The following LPP variants were observed in gnomAD, a reference collection of about 807,000 sequenced individuals.
LPP encodes the protein LIM domain containing preferred translocation partner in lipoma.
Under a neutral mutation model 60.4 loss-of-function variants are expected in LPP, and 38 were observed. The ratio of observed to expected loss-of-function variants is 0.63; its 90% CI spans 0.49 to 0.83. The LOEUF (loss-of-function observed/expected upper bound fraction) is 0.83. Ranked by LOEUF, LPP falls within the 40% of genes least tolerant of loss-of-function variation. The pLI is 0.00. For missense variants in LPP, 902 were observed against 783.6 expected (o/e 1.15, Z -1.80); for synonymous variants, 328 against 290.8 (o/e 1.13, Z -1.30).
At chr3:188,562,069 ACACAGACACAC>A (rs898032640) in intron 6 of LPP, among the ~76,000 whole-genome samples, 1 of 151,702 alleles carries the variant, frequency 6.6e-6, no homozygotes. Flanking sequence ...ACACAGACAC[ACACAGACACAC>A]ACACACATAC....
intron 2 of LPP, among the ~76,000 whole-genome samples, chr3:188,302,262 G>A (rs908843714): frequency 1.3e-5 from 2 of 152,102 alleles, no homozygotes; most frequent in African/African-American, 2.4e-5. Flanking sequence ...TAAATGATTT[G>A]CCTAAGTTTA....
rs527320374 is a variant in LPP, at chr3:188,658,867, G to A, written c.1113+49023G>A. ...CTGCTGTTTTAGGTTGATTATATTT[G>A]CCTTTGAGCCAAAAGAGTTACTTGA... On this transcript the variant is annotated intron_variant, in intron 7 of 11. Transcript: ENST00000617246. 2.0e-4 allele frequency among the ~76,000 whole-genome samples: 30 copies of A among 152,280 alleles called. No individual in the cohort carries two copies. The East Asian group carries it at 4.6e-3, about 24-fold the overall frequency.
chr3:188,228,592 T>A (rs1718683187), intron 2 of LPP, among the ~76,000 whole-genome samples: 1 of 152,174 alleles, frequency 6.6e-6, no homozygotes, highest in African/African-American at 2.4e-5. Context: ...GAGACCAGCC[T>A]GGGCAATGTG....
At chr3:188,627,150 A>G (rs1213187570) in intron 7 of LPP, among the ~76,000 whole-genome samples, 2 of 152,166 alleles carry the variant, frequency 1.3e-5, no homozygotes, top group Non-Finnish European at 2.9e-5. Flanking sequence ...TCCTTAAGGG[A>G]ATGATAAGCA....
chr3:188,554,679 C>T (rs545228563), intron 6 of LPP, among the ~76,000 whole-genome samples: 40 of 152,252 alleles, frequency 2.6e-4, no homozygotes, highest in Admixed American at 7.8e-4. Flanking sequence ...TACTTTGATT[C>T]CAAATCAACA....
intron 5 of LPP, among the ~76,000 whole-genome samples, chr3:188,514,752 T>C (rs897937469): frequency 6.6e-6 from 1 of 152,238 alleles, no homozygotes; most frequent in African/African-American, 2.4e-5. Flanking sequence ...GCAGTTTTGT[T>C]ACATGTTTTT....
intron 6 of LPP, among the ~76,000 whole-genome samples, chr3:188,600,472 A>G (rs1188621650): frequency 1.3e-5 from 2 of 151,642 alleles, no homozygotes; most frequent in Non-Finnish European, 2.9e-5. Flanking sequence ...ATCAACAGGT[A>G]TAAAACAATA....
intron 1 of LPP, among the ~76,000 whole-genome samples, chr3:188,161,911 T>C (rs966616580): frequency 3.9e-5 from 6 of 152,228 alleles, no homozygotes; most frequent in South Asian, 2.1e-4. Context: ...ATGGCTGCCA[T>C]TGATGCTTGT....
At chr3:188,780,338 G>C (rs114363532) in intron 9 of LPP, among the ~76,000 whole-genome samples, 1 of 152,176 alleles carries the variant, frequency 6.6e-6, no homozygotes, top group Admixed American at 6.5e-5. Context: ...AAATGATTCT[G>C]TAATGATGTC....
chr3:188,785,410 TATATATTCCATC>T lies in LPP; in HGVS notation c.1410+25135_1410+25146del, dbSNP rs1203356259. ...TCATATATATATATTCCATCATATA[TATATATTCCATC>T]ATATATATATTCCATCATATATATA... is the stretch of plus-strand genomic sequence containing the variant. On this transcript the variant is annotated intron_variant, in intron 9 of 11. Transcript: ENST00000617246. 2.0e-3 allele frequency among the ~76,000 whole-genome samples: 24 copies of T among 11,782 alleles called. 9 individuals are homozygous for T. The highest frequency in any genetic ancestry group is 0.011 in the South Asian group (2 of 174). 7.7% of individuals were successfully genotyped at this position (11,782 alleles called of 152,430 possible). A position where few individuals can be genotyped will look rare whatever the true frequency, so the allele number is the denominator to read the frequency against.
chr3:188,300,406 C>G (rs1749400179), intron 2 of LPP, among the ~76,000 whole-genome samples: 1 of 148,674 alleles, frequency 6.7e-6, no homozygotes, highest in Admixed American at 6.7e-5. Context: ...GGGTTAGCTG[C>G]TTACCAAGAA....
chr3:188,234,881 G>A (rs1005462758), intron 2 of LPP, among the ~76,000 whole-genome samples: 1 of 152,114 alleles, frequency 6.6e-6, no homozygotes, highest in Non-Finnish European at 1.5e-5. Flanking sequence ...ATCCTGCCAG[G>A]GTCTTAATTG....
chr3:188,189,203 C>T (rs1359433396), intron 1 of LPP, among the ~76,000 whole-genome samples: 36 of 152,204 alleles, frequency 2.4e-4, no homozygotes, highest in Non-Finnish European at 1.5e-5. Flanking sequence ...CTTCCCACCT[C>T]AGCTTCCTGA....
chr3:188,496,272 C>A (rs939080356), intron 5 of LPP, among the ~76,000 whole-genome samples: 1 of 151,960 alleles, frequency 6.6e-6, no homozygotes, highest in Non-Finnish European at 1.5e-5. Flanking sequence ...ATTACAGGCA[C>A]GTGCCATCAC....
At chr3:188,159,844 A>G (rs1717657208) in intron 1 of LPP, among the ~76,000 whole-genome samples, 1 of 152,194 alleles carries the variant, frequency 6.6e-6, no homozygotes, top group South Asian at 2.1e-4. Context: ...TTTCCCTCAC[A>G]CAGACAGGTG....
rs536524115 is a variant in LPP, at chr3:188,290,032, A to G, written c.-66-51631A>G. 5.3e-5 allele frequency among the ~76,000 whole-genome samples: 8 copies of G among 152,074 alleles called. No individual in the cohort carries two copies. In the South Asian group the frequency reaches 6.2e-4, roughly 12 times the overall value. On this transcript the variant is annotated intron_variant, in intron 2 of 11. Coordinates refer to ENST00000617246, the MANE Select transcript of LPP (RefSeq NM_001375462.1). ...GAGACGGAGTCTTACCCTATCGCCC[A>G]GGATGGAGTGCAGTGGCGCAACCTT... is the stretch of plus-strand genomic sequence containing the variant.
At chr3:188,431,784 A>G (rs1790948182) in intron 4 of LPP, among the ~76,000 whole-genome samples, 1 of 152,210 alleles carries the variant, frequency 6.6e-6, no homozygotes, top group South Asian at 2.1e-4. Context: ...AAGATTGTAC[A>G]AAAGTATGAT....
At chr3:188,371,984 T>C (rs1578404908) in intron 3 of LPP, among the ~76,000 whole-genome samples, 1 of 149,892 alleles carries the variant, frequency 6.7e-6, no homozygotes, top group African/African-American at 2.5e-5. Context: ...TAAGGGCTTT[T>C]TCTTTTCTTT....
intron 4 of LPP, among the ~76,000 whole-genome samples, chr3:188,462,544 T>TTATATATATA (rs71167102): frequency 3.5e-4 from 12 of 34,194 alleles, no homozygotes; most frequent in East Asian, 1.3e-3. Flanking sequence ...TATATGAGCT[T>TTATATATATA]TATATATATA....
Sources: gnomAD v4.1 joint callset for allele counts (sites outside exome capture counted in the v4.1 genomes callset) on GRCh38, gnomAD v4.1.1 for gene constraint, MANE v1.5 for transcripts, NCBI Gene and HGNC (gene_info 2026-07-23, HGNC 2026-07-21) for gene names.